Variants in SRP9 observed in about 807,000 individuals in gnomAD.
SRP9 encodes the protein signal recognition particle 9 kDa protein.
In SRP9, 2 loss-of-function variants were observed where a neutral mutation model predicts 11.7. The observed-to-expected ratio is 0.17, with a 90% CI of 0.07 to 0.54. The LOEUF (loss-of-function observed/expected upper bound fraction) is 0.54, where lower values mean the gene tolerates loss of function less well. SRP9 is among the 20% of genes least tolerant of loss of function. SRP9 has a pLI of 0.94. For missense variants in SRP9, 54 were observed against 108.1 expected (o/e 0.50, Z 2.22); for synonymous variants, 27 against 35.6 (o/e 0.76, Z 0.86).
chr1:225,780,483 A>G (rs1189585008), intron 1 of SRP9, among the ~76,000 whole-genome samples: 2 of 152,118 alleles, frequency 1.3e-5, no homozygotes, highest in African/African-American at 2.4e-5. Context: ...CGTGACAGGC[A>G]TTTTACATAT....
intron 2 of SRP9, 176 bp from the exon 3 acceptor site, chr1:225,789,064 C>G: frequency 1.3e-6 from 2 of 1,551,088 alleles, no homozygotes; most frequent in Non-Finnish European, 8.7e-7. Context: ...TACTTTAAGA[C>G]ATGGAATTGC....
chr1:225,786,683 G>C (rs752217871), intron 2 of SRP9, among the ~76,000 whole-genome samples: 5 of 152,074 alleles, frequency 3.3e-5, no homozygotes, highest in Non-Finnish European at 7.4e-5. Context: ...TTTTGGCCTT[G>C]GAAAAGTTTA....
Position 225,783,287 on chromosome 1 carries a change from AT to A in SRP9, c.73-8del, listed in dbSNP as rs754618445. On this transcript the variant is annotated splice_polypyrimidine_tract_variant and intron_variant, in intron 1 of 2. Transcript: ENST00000304786. ...TTGTCTTCACTGTTTCTAAATATGTATTTTTGTTTCAGGCACGTGTGGTTCT... is the reference window on the plus strand; with the variant it reads ...TTGTCTTCACTGTTTCTAAATATGTATTTTGTTTCAGGCACGTGTGGTTCT... 1 of 1,602,688 alleles carries A rather than the reference AT, an allele frequency of 6.2e-7. No individual in the cohort carries two copies. The highest frequency in any genetic ancestry group is 8.5e-7 in the Non-Finnish European group (1 of 1,171,156).
chr1:225,778,025 CG>C lies in SRP9; in HGVS notation c.72+17del. On this transcript the variant is annotated intron_variant, in intron 1 of 2. Transcript: ENST00000304786. ...TGACCCTATGAAGGTAAATCGCTGG[CG>C]GGGCCGCTGCTTTGGGCCCCAGCCC... The C allele has an allele frequency of 6.2e-7, 1 of 1,614,046 alleles. No homozygotes were observed.
At chr1:225,783,207 TA>T in intron 1 of SRP9, 92 bp from the exon 2 acceptor site, 1 of 943,830 alleles carries the variant, frequency 1.1e-6, no homozygotes, top group Non-Finnish European at 1.6e-6. Context: ...GTATTTATTC[TA>T]AAAGGATCCT....
chr1:225,785,789 TCTC>T (rs1471974704), intron 2 of SRP9, among the ~76,000 whole-genome samples: 1 of 151,698 alleles, frequency 6.6e-6, no homozygotes, highest in South Asian at 2.1e-4. Context: ...TTCAAGCAAT[TCTC>T]CTGCCTCGGC....
chr1:225,784,870 T>G (rs11583078), intron 2 of SRP9, among the ~76,000 whole-genome samples: 45,512 of 151,718 alleles, frequency 0.3, 7,531 homozygotes, highest in East Asian at 0.55. Context: ...ACTAGCTGCT[T>G]CTTCTGTTCC....
intron 1 of SRP9, among the ~76,000 whole-genome samples, chr1:225,780,085 C>G (rs1665762742): frequency 6.6e-6 from 1 of 151,800 alleles, no homozygotes; most frequent in South Asian, 2.1e-4. Context: ...GCACAAATCA[C>G]AGTTCGCTGC....
Position 225,783,999 on chromosome 1 carries a change from TG to T in SRP9, c.141+632del, listed in dbSNP as rs1665846621. On this transcript the variant is annotated intron_variant, in intron 2 of 2. Coordinates refer to ENST00000304786, the MANE Select transcript of SRP9 (RefSeq NM_003133.6). ...TGTTGTTTCATTCTTCTTTGCTGAT[TG>T]TTTTTTTTTTGATGTGCCCCATATA... Among the ~76,000 whole-genome samples, 5 of 152,126 alleles carry T rather than the reference TG, an allele frequency of 3.3e-5. No individual in the cohort carries two copies. In the South Asian group the frequency reaches 1.0e-3, roughly 32 times the overall value.
chr1:225,783,120 T>C (rs1267838843), intron 1 of SRP9, among the ~76,000 whole-genome samples, 180 bp from the exon 2 acceptor site: 1 of 152,184 alleles, frequency 6.6e-6, no homozygotes, highest in Non-Finnish European at 1.5e-5. Context: ...AGCAAAGGAA[T>C]GAACTAAAAT....
Position 225,789,913 on chromosome 1 carries a change from A to G in SRP9, c.*554A>G, listed in dbSNP as rs1355406524. The G allele has an allele frequency of 6.6e-6, 1 of 152,342 alleles. No individual in the cohort carries two copies. The highest frequency in any genetic ancestry group is 2.4e-5 in the African/African-American group (1 of 41,456). The allele number at this position is 152,342 out of a possible 1,614,324, so 9.4% of individuals were successfully genotyped here. A position where few individuals can be genotyped will look rare whatever the true frequency, so the allele number is the denominator to read the frequency against. On this transcript the variant is annotated 3_prime_UTR_variant, in exon 3 of 3. Transcript: ENST00000304786. Reference sequence around the variant, plus strand: ...ATATCTGAAAGTAATTGTGACTAACAAGTATGCTTTGCCTTATTTCCACAT... The same window carrying G: ...ATATCTGAAAGTAATTGTGACTAACGAGTATGCTTTGCCTTATTTCCACAT...
intron 2 of SRP9, among the ~76,000 whole-genome samples, chr1:225,787,959 CTT>C (rs1665950712): frequency 6.6e-6 from 1 of 152,128 alleles, no homozygotes. Context: ...AAGTTGTTGA[CTT>C]TTATTATAGG....
intron 1 of SRP9, among the ~76,000 whole-genome samples, chr1:225,781,650 C>T (rs1188116414): frequency 1.3e-5 from 2 of 151,994 alleles, no homozygotes; most frequent in African/African-American, 4.8e-5. Flanking sequence ...GAACTCCTGC[C>T]CTCCCAAAGT....
At chr1:225,783,758 C>T (rs1170363828) in intron 2 of SRP9, among the ~76,000 whole-genome samples, 2 of 152,172 alleles carry the variant, frequency 1.3e-5, no homozygotes, top group Admixed American at 6.5e-5. Flanking sequence ...CATTCCTTAA[C>T]CCTCTGCCAT....
At chr1:225,786,445 T>G (rs968121768) in intron 2 of SRP9, among the ~76,000 whole-genome samples, 5 of 152,220 alleles carry the variant, frequency 3.3e-5, no homozygotes, top group Non-Finnish European at 5.9e-5. Flanking sequence ...TTTTATAGAG[T>G]GATTTTAAAA....
At chr1:225,783,279 A>G (rs754424631) in intron 1 of SRP9, 21 bp from the exon 2 acceptor site, 1 of 1,586,948 alleles carries the variant, frequency 6.3e-7, no homozygotes, top group South Asian at 1.1e-5. Flanking sequence ...CACTGTTTCT[A>G]AATATGTATT....
At chr1:225,779,207 C>T (rs891534510) in intron 1 of SRP9, among the ~76,000 whole-genome samples, 6 of 150,802 alleles carry the variant, frequency 4.0e-5, no homozygotes, top group Non-Finnish European at 7.4e-5. Context: ...TGCAATGGCT[C>T]AATCTCAGCT....
At chr1:225,788,929 A>ATCTAAT (rs1358846059) in intron 2 of SRP9, 1 of 1,404,584 alleles carries the variant, frequency 7.1e-7, no homozygotes, top group African/African-American at 1.4e-5. Context: ...GGAAGAAAAT[A>ATCTAAT]TCTAATTCTA....
At position 225,789,898 on chromosome 1, in the gene SRP9, G is replaced by A. The variant is rs1559007312; in HGVS notation, c.*539G>A. ...AGTGTAGTCTCAATTATATCTGAAAGTAATTGTGACTAACAAGTATGCTTT... is the reference window on the plus strand; with the variant it reads ...AGTGTAGTCTCAATTATATCTGAAAATAATTGTGACTAACAAGTATGCTTT... On this transcript the variant is annotated 3_prime_UTR_variant, in exon 3 of 3. Coordinates refer to ENST00000304786, the MANE Select transcript of SRP9 (RefSeq NM_003133.6). 2 of 152,276 alleles carry A rather than the reference G, an allele frequency of 1.3e-5. No individual in the cohort carries two copies. 9.4% of individuals were successfully genotyped at this position (152,276 alleles called of 1,614,324 possible). A position where few individuals can be genotyped will look rare whatever the true frequency, so the allele number is the denominator to read the frequency against.
Sources: allele counts gnomAD v4.1 joint callset (sites outside exome capture counted in the v4.1 genomes callset), GRCh38; gene constraint gnomAD v4.1.1; transcripts MANE v1.5; gene names NCBI Gene and HGNC (gene_info 2026-07-23, HGNC 2026-07-21).